The following PDILT variants were observed in gnomAD, a reference collection of about 807,000 sequenced individuals.
PDILT encodes protein disulfide isomerase like, testis expressed.
PDILT carries 43 observed loss-of-function variants against 53.7 expected under a neutral mutation model. The observed-to-expected ratio is 0.80, with a 90% CI of 0.63 to 1.03. The LOEUF is 1.03. Ranked by LOEUF, PDILT falls within the 50% of genes least tolerant of loss-of-function variation. PDILT has a pLI of 0.00. For missense variants in PDILT, 727 were observed against 712.3 expected (o/e 1.02, Z -0.24); for synonymous variants, 282 against 274.2 (o/e 1.03, Z -0.28).
chr16:20,368,297 G>A (rs1018953165), intron 8 of PDILT, among the ~76,000 whole-genome samples: 1 of 152,120 alleles, frequency 6.6e-6, no homozygotes, highest in Admixed American at 6.5e-5. Flanking sequence ...GAGAGTGAAG[G>A]CAGATAGTCA....
At chr16:20,403,061 C>G (rs1226188053) in intron 1 of PDILT, among the ~76,000 whole-genome samples, 1 of 152,154 alleles carries the variant, frequency 6.6e-6, no homozygotes, top group Non-Finnish European at 1.5e-5. Flanking sequence ...TAGCCAAAAT[C>G]GAGGGGCTGG....
intron 8 of PDILT, among the ~76,000 whole-genome samples, chr16:20,367,884 G>A (rs796144525): frequency 6.6e-6 from 1 of 152,198 alleles, no homozygotes; most frequent in Non-Finnish European, 1.5e-5. Context: ...CTGGAAGCAG[G>A]GAAGTTAAGG....
intron 3 of PDILT, among the ~76,000 whole-genome samples, chr16:20,381,654 A>G (rs937934523): frequency 3.3e-4 from 50 of 151,420 alleles, no homozygotes; most frequent in African/African-American, 7.3e-4. Context: ...AAAAAAAAAA[A>G]AGAGAAATTG....
chr16:20,372,490 C>T (rs1250647877), intron 7 of PDILT, among the ~76,000 whole-genome samples: 1 of 152,152 alleles, frequency 6.6e-6, no homozygotes, highest in Non-Finnish European at 1.5e-5. Flanking sequence ...GTATGGAGTC[C>T]ACTTAGTGGT....
In PDILT at chr16:20,371,043, A is replaced by C. The variant is rs527240484; in HGVS notation, c.919-1354T>G. Reference sequence around the variant, plus strand: ...TCTTTTATTCCTGTACTTTCCTAATAAACTTGCTTTCACTTTACAGACTGG... The same window carrying C: ...TCTTTTATTCCTGTACTTTCCTAATCAACTTGCTTTCACTTTACAGACTGG... On this transcript the variant is annotated intron_variant, in intron 7 of 11. Transcript: ENST00000302451. Among the ~76,000 whole-genome samples, 8 of 152,318 alleles carry C rather than the reference A, an allele frequency of 5.3e-5. No homozygotes were observed. In the South Asian group the frequency reaches 1.7e-3, roughly 32 times the overall value.
At chr16:20,372,217 A>G (rs1049869384) in intron 7 of PDILT, among the ~76,000 whole-genome samples, 1 of 152,198 alleles carries the variant, frequency 6.6e-6, no homozygotes, top group Non-Finnish European at 1.5e-5. Context: ...TTACATATAT[A>G]TTTTCTAATT....
At chr16:20,363,402 G>A (rs926265974) in intron 9 of PDILT, among the ~76,000 whole-genome samples, 2 of 151,990 alleles carry the variant, frequency 1.3e-5, no homozygotes, top group African/African-American at 2.4e-5. Flanking sequence ...GAAGAAGAAA[G>A]CCAAGAACAA....
Position 20,375,954 on chromosome 16 carries a change from A to G in PDILT, c.543+114T>C, listed in dbSNP as rs185721548. 64 of 1,349,016 alleles carry G rather than the reference A, an allele frequency of 4.7e-5. No individual in the cohort carries two copies. The East Asian group carries it at 1.4e-3, about 30-fold the overall frequency. 83.6% of individuals were successfully genotyped at this position (1,349,016 alleles called of 1,614,324 possible). On this transcript the variant is annotated intron_variant, in intron 4 of 11. Transcript: ENST00000302451. ...TGGAGCTTCCCCTAAAAACCAGATC[A>G]TTGGATGGAGAAAATTGGGCAATCA...
In PDILT at chr16:20,359,318, G is replaced by A; in HGVS notation, c.*1C>T. On this transcript the variant is annotated 3_prime_UTR_variant, in exon 12 of 12. Transcript: ENST00000302451. ...CATCTTTTTTCCTGGTATTGGAGAA[G>A]CTAAAGTTCTTCCTTGACTTTTGGT... 1 of 1,613,258 alleles carries A rather than the reference G, an allele frequency of 6.2e-7. No homozygotes were observed. Among genetic ancestry groups the A allele is most frequent in the Non-Finnish European group, 8.5e-7 (1 of 1,179,798 alleles).
intron 2 of PDILT, among the ~76,000 whole-genome samples, chr16:20,397,306 T>C (rs944031516): frequency 6.6e-6 from 1 of 152,002 alleles, no homozygotes; most frequent in African/African-American, 2.4e-5. Flanking sequence ...TAGCCAACTT[T>C]TGTATTTTTC....
intron 8 of PDILT, among the ~76,000 whole-genome samples, chr16:20,367,243 C>G (rs1453666500): frequency 6.6e-6 from 1 of 151,984 alleles, no homozygotes; most frequent in Non-Finnish European, 1.5e-5. Context: ...GCTGGGACTA[C>G]AGGTGCGTGC....
rs1336436169 is a variant in PDILT, at chr16:20,366,837, T to G, written c.1117-1297A>C. ...AGAGCCTCCAGATGTTCTCCCCCCG[T>G]CCCCTCCCAATCCTCCCACACCTTT... On this transcript the variant is annotated intron_variant, in intron 8 of 11. Transcript: ENST00000302451. Among the ~76,000 whole-genome samples, 3 of 152,002 alleles carry G rather than the reference T, an allele frequency of 2.0e-5. No homozygotes were observed. In the East Asian group the frequency reaches 5.8e-4, roughly 29 times the overall value.
Position 20,384,893 on chromosome 16 carries a change from C to T in PDILT, c.203-42G>A, listed in dbSNP as rs765061170. 2.0e-5 allele frequency: 31 copies of T among 1,571,118 alleles called. No individual in the cohort carries two copies. The East Asian group carries it at 2.0e-4, about 10-fold the overall frequency. ...ACAAAATTTGAGAGGCCTTTCCTCG[C>T]TCCCCATCTCCAACAGTAGATTATT... is the stretch of plus-strand genomic sequence containing the variant. On this transcript the variant is annotated intron_variant, in intron 2 of 11. Transcript: ENST00000302451.
At chr16:20,359,733 G>A (rs933953278) in intron 11 of PDILT, among the ~76,000 whole-genome samples, 166 bp from the exon 12 acceptor site, 5 of 152,230 alleles carry the variant, frequency 3.3e-5, no homozygotes, top group Non-Finnish European at 7.3e-5. Flanking sequence ...CACAGATGCT[G>A]AAGATCCGTT....
At chr16:20,386,291 A>G (rs1966536784) in intron 2 of PDILT, among the ~76,000 whole-genome samples, 1 of 152,132 alleles carries the variant, frequency 6.6e-6, no homozygotes, top group Admixed American at 6.5e-5. Flanking sequence ...CTTCCTCCTG[A>G]TAACATTGTG....
chr16:20,370,197 T>C (rs748886038), intron 7 of PDILT, among the ~76,000 whole-genome samples: 24 of 152,250 alleles, frequency 1.6e-4, no homozygotes, highest in Non-Finnish European at 2.9e-4. Context: ...CTACTATGTG[T>C]GAGCCATTTT....
At position 20,374,826 on chromosome 16, in the gene PDILT, T is replaced by G. The variant is rs759339323; in HGVS notation, c.677A>C (p.Lys226Thr). ...HVTLDSVLVF[K>T]KGKIVNRQKL... Reference sequence around the variant, plus strand: ...GCAATAGGATCAAAATCCTACCTTTTTGAACACCAGGACGCTGTCAAGGGT... The same window carrying G: ...GCAATAGGATCAAAATCCTACCTTTGTGAACACCAGGACGCTGTCAAGGGT... Residue 226 changes from lysine (K) to threonine (T), a missense_variant, in exon 5 of 12, where the codon AAA becomes ACA. Transcript: ENST00000302451. 2 of 1,611,744 alleles carry G rather than the reference T, an allele frequency of 1.2e-6. No homozygotes were observed. Among genetic ancestry groups the G allele is most frequent in the Non-Finnish European group, 1.7e-6 (2 of 1,179,108 alleles).
intron 2 of PDILT, chr16:20,385,997 G>T (rs1261618259): frequency 6.6e-6 from 1 of 152,198 alleles, no homozygotes; most frequent in African/African-American, 2.4e-5. Flanking sequence ...CATGTAATTG[G>T]ACAGGGGACT....
intron 1 of PDILT, among the ~76,000 whole-genome samples, chr16:20,402,211 G>A (rs1003145908): frequency 1.3e-5 from 2 of 152,246 alleles, no homozygotes; most frequent in Non-Finnish European, 2.9e-5. Flanking sequence ...AATCAATGGT[G>A]TGTCAGATGA....
Sources: gnomAD v4.1 joint callset for allele counts (sites outside exome capture counted in the v4.1 genomes callset) on GRCh38, gnomAD v4.1.1 for gene constraint, MANE v1.5 for transcripts, NCBI Gene and HGNC (gene_info 2026-07-23, HGNC 2026-07-21) for gene names.